Variants in SYS1 observed in about 807,000 individuals in gnomAD.
SYS1 encodes the protein protein SYS1 homolog.
Under a neutral mutation model 17.8 loss-of-function variants are expected in SYS1, and 8 were observed. That is an observed-to-expected ratio of 0.45 (90% CI 0.26 to 0.81). The LOEUF (loss-of-function observed/expected upper bound fraction) is 0.81. Among genes scored for constraint, SYS1 ranks in the 40% least tolerant of loss-of-function variants. The pLI, the probability that SYS1 is intolerant of heterozygous loss-of-function variation, is 0.16. For synonymous variants in SYS1, 95 were observed against 90.9 expected, an observed-to-expected ratio of 1.05 and a Z score of -0.26; for missense variants, 161 against 203.9, an observed-to-expected ratio of 0.79 and a Z score of 1.28.
Position 45,368,264 on chromosome 20 carries a change from A to G in SYS1, c.*1149A>G, listed in dbSNP as rs1164363180. 2.0e-6 allele frequency: 2 copies of G among 985,358 alleles called. No homozygotes were observed. Among genetic ancestry groups the G allele is most frequent in the Non-Finnish European group, 2.4e-6 (2 of 829,954 alleles). 61.0% of individuals were successfully genotyped at this position (985,358 alleles called of 1,614,324 possible). On this transcript the variant is annotated 3_prime_UTR_variant, in exon 4 of 4. Transcript: ENST00000243918. Reference sequence around the variant, plus strand: ...TCCATTTGGTTAAAATACTCAGTGCAGGGAACTCTTACATCCTGTCTCCTT... The same window carrying G: ...TCCATTTGGTTAAAATACTCAGTGCGGGGAACTCTTACATCCTGTCTCCTT...
exon 4 of SYS1, chr20:45,376,243 G>A (rs915093449): frequency 4.6e-5 from 7 of 152,158 alleles, no homozygotes; most frequent in Non-Finnish European, 1.0e-4. Flanking sequence ...TTTCCCAAAG[G>A]GTGTCTGTAA....
At chr20:45,372,140 G>A (rs978815139), downstream of SYS1, among the ~76,000 whole-genome samples, 1 of 152,228 alleles carries the variant, frequency 6.6e-6, no homozygotes, top group African/African-American at 2.4e-5. Flanking sequence ...ACAAAGAGAG[G>A]GTGGTAGTGG....
At position 45,374,799 on chromosome 20, in the gene SYS1, GC is replaced by G. The variant is rs1233561257; in HGVS notation, c.*509del. The G allele has an allele frequency of 7.2e-6, 4 of 555,052 alleles. No homozygotes were observed. The Admixed American group carries it at 1.0e-4, about 14-fold the overall frequency. The allele number at this position is 555,052 out of a possible 1,614,324, so 34.4% of individuals were successfully genotyped here. Reference sequence around the variant, plus strand: ...AGGCAGTGAGATGGCTCACTTCAGTGCCCCTCCTTCCACACATCTCCTAGCT... The same window carrying G: ...AGGCAGTGAGATGGCTCACTTCAGTGCCCTCCTTCCACACATCTCCTAGCT... On this transcript the variant is annotated 3_prime_UTR_variant, in exon 4 of 4. Coordinates refer to the SYS1 transcript ENST00000426004.
downstream of SYS1, among the ~76,000 whole-genome samples, chr20:45,370,530 C>A (rs934206534): frequency 1.3e-4 from 20 of 152,088 alleles, no homozygotes; most frequent in Admixed American, 1.1e-3. Flanking sequence ...TCTAGGCAGC[C>A]CTGTCCATAT....
intron 3 of SYS1, among the ~76,000 whole-genome samples, chr20:45,366,478 G>C (rs1370770814): frequency 1.3e-5 from 2 of 152,140 alleles, no homozygotes; most frequent in Admixed American, 1.3e-4. Flanking sequence ...TGAAAATCAG[G>C]CTATTTTATA....
exon 4 of SYS1, chr20:45,375,812 C>G (rs1303674555): frequency 4.2e-6 from 2 of 471,658 alleles, no homozygotes; most frequent in Non-Finnish European, 7.5e-6. Flanking sequence ...CATCATCTGC[C>G]ACTAGATTAG....
chr20:45,375,908 G>A, exon 4 of SYS1: 1 of 221,810 alleles, frequency 4.5e-6, no homozygotes, highest in Non-Finnish European at 8.9e-6. Context: ...AGGGTTCTGA[G>A]GAGGTGTCTC....
chr20:45,370,727 G>A (rs1041293129), downstream of SYS1, among the ~76,000 whole-genome samples: 1 of 152,166 alleles, frequency 6.6e-6, no homozygotes, highest in Non-Finnish European at 1.5e-5. Flanking sequence ...CCAGAAGGCA[G>A]TCAGTGCACA....
exon 4 of SYS1, chr20:45,375,458 ACT>A: frequency 6.2e-7 from 1 of 1,612,976 alleles, no homozygotes; most frequent in Non-Finnish European, 8.5e-7. Flanking sequence ...TCCCCTGTGG[ACT>A]CTAATTTCTT....
chr20:45,364,003 C>T (rs1988317095), intron 2 of SYS1, among the ~76,000 whole-genome samples: 2 of 152,122 alleles, frequency 1.3e-5, no homozygotes, highest in African/African-American at 4.8e-5. Flanking sequence ...TCTCAGGTGC[C>T]ACATCGGAGA....
chr20:45,366,795 G>A (rs1354954569), intron 3 of SYS1, 80 bp from the exon 4 acceptor site: 27 of 1,170,846 alleles, frequency 2.3e-5, no homozygotes, highest in Admixed American at 3.4e-5. Context: ...CTATGCTGCC[G>A]TCCTAATTGT....
Position 45,365,653 on chromosome 20 carries a change from C to T in SYS1, c.197C>T (p.Ser66Phe). 6.2e-7 allele frequency: 1 copy of T among 1,614,210 alleles called. No individual in the cohort carries two copies. The highest frequency in any genetic ancestry group is 1.3e-5 in the African/African-American group (1 of 75,056). ...TTTTCCACCCCTCCAGGCCGGCTCT[C>T]CATGATGTCCTTCATCCTCAACGCC... ...LGFSTPPGRL[S>F]MMSFILNALT... Residue 66 changes from serine (S) to phenylalanine (F), a missense_variant, in exon 3 of 4, where the codon TCC becomes TTC. By Grantham distance (155) the Ser-to-Phe change is radical. Transcript: ENST00000243918.
chr20:45,365,581 A>T (rs1988383867), intron 2 of SYS1, 38 bp from the exon 3 acceptor site: 2 of 1,605,784 alleles, frequency 1.2e-6, no homozygotes, highest in African/African-American at 2.7e-5. Flanking sequence ...CTGCCAAGTC[A>T]CTTCTCCAGT....
chr20:45,369,596 CTTTTTTTTTTT>C (rs573922300), downstream of SYS1, among the ~76,000 whole-genome samples: 2 of 102,882 alleles, frequency 1.9e-5, no homozygotes. Flanking sequence ...CAGAGATTTC[CTTTTTTTTTTT>C]TTTTTTTTTT....
Position 45,368,118 on chromosome 20 carries a change from C to T in SYS1, c.*1003C>T, listed in dbSNP as rs1010677120. On this transcript the variant is annotated 3_prime_UTR_variant, in exon 4 of 4. Transcript: ENST00000243918. ...TACAAATACAGTATTTTCCATGGTT[C>T]TGCCTGCACTTACTTTGTAATGCCA... is the stretch of plus-strand genomic sequence containing the variant. 1 of 985,294 alleles carries T rather than the reference C, an allele frequency of 1.0e-6. No individual in the cohort carries two copies. The highest frequency in any genetic ancestry group is 1.7e-5 in the African/African-American group (1 of 57,228). The allele number at this position is 985,294 out of a possible 1,614,324, so 61.0% of individuals were successfully genotyped here.
upstream of SYS1, chr20:45,362,100 A>C (rs80095580): frequency 1.1e-3 from 938 of 846,434 alleles, 8 homozygotes; most frequent in African/African-American, 0.015. Context: ...ACTGTCCACT[A>C]TTCGGATTTG....
downstream of SYS1, chr20:45,373,748 G>C: frequency 1.1e-5 from 7 of 649,258 alleles, no homozygotes; most frequent in African/African-American, 1.8e-5. Context: ...TGGCTTCTTT[G>C]GTTCTAGACT....
chr20:45,365,076 T>A (rs555339077), intron 2 of SYS1: 3 of 210,340 alleles, frequency 1.4e-5, no homozygotes, highest in East Asian at 2.4e-4. Flanking sequence ...GGAAGAGCTG[T>A]GGGAATGCCA....
rs1230533753 is a variant in SYS1 at position 45,367,480 on chromosome 20, A to T, written c.*365A>T. On this transcript the variant is annotated 3_prime_UTR_variant, in exon 4 of 4. Coordinates refer to ENST00000243918, the MANE Select transcript of SYS1 (RefSeq NM_033542.4). The stretch of plus-strand genomic sequence containing the variant: ...ATTGGAGCAAACCACTTCTTTAGTC[A>T]TCTGTCTTACCCCCCTGGGACAGCT... 3 of 1,063,014 alleles carry T rather than the reference A, an allele frequency of 2.8e-6. No homozygotes were observed. The highest frequency in any genetic ancestry group is 2.3e-6 in the Non-Finnish European group (2 of 879,966). The allele number at this position is 1,063,014 out of a possible 1,614,324, so 65.8% of individuals were successfully genotyped here.
Sources: allele counts gnomAD v4.1 joint callset (sites outside exome capture counted in the v4.1 genomes callset), GRCh38; gene constraint gnomAD v4.1.1; transcripts MANE v1.5; gene names NCBI Gene and HGNC (gene_info 2026-07-23, HGNC 2026-07-21).